AIDA: variants seen among roughly 807,000 people sequenced by gnomAD.
AIDA encodes axin interactor, dorsalization associated, also known as axin interactor, dorsalization-associated protein.
AIDA carries 18 observed loss-of-function variants against 42.7 expected under a neutral mutation model. The observed-to-expected ratio is 0.42, with a 90% CI of 0.29 to 0.63. The LOEUF is 0.63. Ranked by LOEUF, AIDA falls within the 20% of genes least tolerant of loss-of-function variation. The probability of loss-of-function intolerance (pLI) is 0.19; values close to 1 mark genes in which losing one functional copy is unlikely to be tolerated. For missense variants in AIDA, 250 were observed against 354.1 expected (o/e 0.71, Z 2.36); for synonymous variants, 104 against 122.9 (o/e 0.85, Z 1.02).
chr1:222,676,909 T>C (rs1336681241), intron 6 of AIDA, among the ~76,000 whole-genome samples: 1 of 144,204 alleles, frequency 6.9e-6, no homozygotes, highest in Non-Finnish European at 1.5e-5. Flanking sequence ...TTATGAACAC[T>C]GAAGCAAAAA....
chr1:222,679,169 C>A (rs960688907), intron 6 of AIDA, among the ~76,000 whole-genome samples: 44 of 152,032 alleles, frequency 2.9e-4, no homozygotes, highest in African/African-American at 1.1e-3. Flanking sequence ...TAGGATAATA[C>A]CACACCATTC....
chr1:222,697,012 A>G (rs1655538819), intron 2 of AIDA, among the ~76,000 whole-genome samples: 1 of 151,974 alleles, frequency 6.6e-6, no homozygotes, highest in African/African-American at 2.4e-5. Context: ...GCACGGTCTC[A>G]GCTTACTGCA....
intron 4 of AIDA, among the ~76,000 whole-genome samples, chr1:222,688,307 G>C (rs998965148): frequency 2.0e-5 from 3 of 152,148 alleles, no homozygotes; most frequent in African/African-American, 7.2e-5. Flanking sequence ...GTTTGTAGCA[G>C]CAAGGTTATA....
In AIDA at chr1:222,687,042, CA is replaced by C. The variant is rs757668819; in HGVS notation, c.354-7del. On this transcript the variant is annotated splice_region_variant and splice_polypyrimidine_tract_variant and intron_variant, in intron 5 of 9. Transcript: ENST00000340020. ...CACCAGGTGCCAAAATTCTTCTACA[CA>C]AAAAAAGGGCAGAAAAAACAACAAA... 6.2e-7 allele frequency: 1 copy of C among 1,611,482 alleles called. No homozygotes were observed. Among genetic ancestry groups the C allele is most frequent in the South Asian group, 1.1e-5 (1 of 90,622 alleles).
intron 6 of AIDA, among the ~76,000 whole-genome samples, chr1:222,680,941 A>C (rs1158014933): frequency 2.0e-5 from 3 of 152,162 alleles, no homozygotes; most frequent in Admixed American, 1.3e-4. Flanking sequence ...AAGAAATTTA[A>C]AAGGCTCTAT....
intron 4 of AIDA, among the ~76,000 whole-genome samples, chr1:222,688,530 G>T (rs1655261252): frequency 6.6e-6 from 1 of 151,768 alleles, no homozygotes; most frequent in South Asian, 2.1e-4. Flanking sequence ...TGTTTACATA[G>T]AACTTACTGT....
At chr1:222,701,200 C>T (rs919106932) in intron 2 of AIDA, among the ~76,000 whole-genome samples, 3 of 152,082 alleles carry the variant, frequency 2.0e-5, no homozygotes, top group African/African-American at 7.2e-5. Context: ...TGGGCTGAAA[C>T]AATCTTCCCA....
chr1:222,677,030 A>G (rs896340826), intron 6 of AIDA, among the ~76,000 whole-genome samples: 2 of 152,056 alleles, frequency 1.3e-5, no homozygotes, highest in African/African-American at 4.8e-5. Context: ...CCAATCCATC[A>G]ACTGATATCT....
At chr1:222,696,723 A>C (rs1481175225) in intron 2 of AIDA, among the ~76,000 whole-genome samples, 1 of 152,222 alleles carries the variant, frequency 6.6e-6, no homozygotes, top group Admixed American at 6.5e-5. Flanking sequence ...CTTTGAAAAC[A>C]GATTTTTAAA....
Position 222,668,903 on chromosome 1 carries a change from A to G in AIDA, c.*990T>C, listed in dbSNP as rs974885332. On this transcript the variant is annotated 3_prime_UTR_variant, in exon 10 of 10. Transcript: ENST00000340020. ...TGGATGAATGTCAGTATATCTAAATAGGAAATAAATGGCGATCCTATCTAC... is the reference window on the plus strand; with the variant it reads ...TGGATGAATGTCAGTATATCTAAATGGGAAATAAATGGCGATCCTATCTAC... 19 of 151,214 alleles carry G rather than the reference A, an allele frequency of 1.3e-4. No individual in the cohort carries two copies. The highest frequency in any genetic ancestry group is 3.3e-4 in the Admixed American group (5 of 15,152). The allele number at this position is 151,214 out of a possible 1,614,324, so 9.4% of individuals were successfully genotyped here.
In AIDA at chr1:222,703,222, A is replaced by G. The variant is rs1408910429; in HGVS notation, c.111-5T>C. The G allele has an allele frequency of 1.9e-6, 3 of 1,601,838 alleles. No homozygotes were observed. The highest frequency in any genetic ancestry group is 2.2e-5 in the East Asian group (1 of 44,604). ...TTTTGTAGATGTCTTGCTAATCTGTAAGAAGAAAACATATTCTTTAGAATG... is the reference window on the plus strand; with the variant it reads ...TTTTGTAGATGTCTTGCTAATCTGTGAGAAGAAAACATATTCTTTAGAATG... On this transcript the variant is annotated splice_polypyrimidine_tract_variant and splice_region_variant and intron_variant, in intron 1 of 9. Coordinates refer to ENST00000340020, the MANE Select transcript of AIDA (RefSeq NM_022831.4).
chr1:222,679,830 T>C (rs562576998), intron 6 of AIDA, among the ~76,000 whole-genome samples: 1 of 152,346 alleles, frequency 6.6e-6, no homozygotes, highest in South Asian at 2.1e-4. Context: ...TGCCGTGTAA[T>C]GTAAGAAACA....
intron 4 of AIDA, among the ~76,000 whole-genome samples, chr1:222,688,283 C>T (rs903225012): frequency 6.6e-6 from 1 of 152,110 alleles, no homozygotes; most frequent in African/African-American, 2.4e-5. Flanking sequence ...CCTCTCAATG[C>T]CATCAAACTG....
At chr1:222,712,056 G>C in intron 1 of AIDA, 152 bp downstream of exon 1, 1 of 1,204,196 alleles carries the variant, frequency 8.3e-7, no homozygotes, top group Non-Finnish European at 1.2e-6. Context: ...GCCTCGCTGG[G>C]GCTGGTGGCG....
At chr1:222,698,102 TTATAA>T (rs1655572631) in intron 2 of AIDA, among the ~76,000 whole-genome samples, 1 of 152,202 alleles carries the variant, frequency 6.6e-6, no homozygotes, top group African/African-American at 2.4e-5. Context: ...AACCCAGTTG[TTATAA>T]TGACAACACT....
intron 1 of AIDA, chr1:222,711,998 G>C (rs535012896): frequency 1.6e-6 from 1 of 644,590 alleles, no homozygotes; most frequent in Non-Finnish European, 2.6e-6. Context: ...AGGCGGAGAG[G>C]GAAGAAGGCG....
chr1:222,696,971 C>A (rs1655537938), intron 2 of AIDA, among the ~76,000 whole-genome samples: 1 of 151,996 alleles, frequency 6.6e-6, no homozygotes, highest in Non-Finnish European at 1.5e-5. Flanking sequence ...TATACGGAGT[C>A]TCACTCTGTT....
At chr1:222,673,592 T>C (rs1414577414) in intron 7 of AIDA, among the ~76,000 whole-genome samples, 157 bp from the exon 8 acceptor site, 1 of 150,462 alleles carries the variant, frequency 6.6e-6, no homozygotes, top group African/African-American at 2.5e-5. Context: ...CTGGCTAACA[T>C]GGTGAAACCC....
intron 4 of AIDA, among the ~76,000 whole-genome samples, chr1:222,688,167 C>A (rs1655249011): frequency 6.6e-6 from 1 of 152,088 alleles, no homozygotes; most frequent in Non-Finnish European, 1.5e-5. Flanking sequence ...CTGCAGTGAG[C>A]CATGATCACG....
Sources: gnomAD v4.1 joint callset for allele counts (sites outside exome capture counted in the v4.1 genomes callset) on GRCh38, gnomAD v4.1.1 for gene constraint, MANE v1.5 for transcripts, NCBI Gene and HGNC (gene_info 2026-07-23, HGNC 2026-07-21) for gene names.